The following SP110 variants were observed in gnomAD, a reference collection of about 807,000 sequenced individuals.
SP110 encodes the protein interferon-induced protein 41, 30kD.
SP110 carries 62 observed loss-of-function variants against 92.7 expected under a neutral mutation model. The ratio of observed to expected loss-of-function variants is 0.67; its 90% confidence interval spans 0.55 to 0.83. The LOEUF (loss-of-function observed/expected upper bound fraction) is 0.83, where lower values mean the gene tolerates loss of function less well. Ranked by LOEUF, SP110 falls within the 40% of genes least tolerant of loss-of-function variation. SP110 has a pLI of 0.00. For synonymous variants in SP110, 273 were observed against 305.3 expected, an observed-to-expected ratio of 0.89 and a Z score of 1.10; for missense variants, 793 against 863.9, an observed-to-expected ratio of 0.92 and a Z score of 1.03.
chr2:230,199,203 C>CTT (rs1480731036), intron 10 of SP110, among the ~76,000 whole-genome samples: 1 of 123,278 alleles, frequency 8.1e-6, no homozygotes, highest in Non-Finnish European at 1.7e-5. Context: ...CAACATAATC[C>CTT]TCTTTTTTTT....
intron 10 of SP110, chr2:230,200,654 T>C (rs911140735): frequency 1.1e-4 from 65 of 571,704 alleles, no homozygotes; most frequent in Non-Finnish European, 1.9e-4. Flanking sequence ...AAAAATCTTA[T>C]ATAGTGCAGA....
intron 3 of SP110, 108 bp from the exon 4 acceptor site, chr2:230,213,135 T>G: frequency 9.3e-7 from 1 of 1,076,782 alleles, no homozygotes; most frequent in South Asian, 1.3e-5. Context: ...ATGGAGCTAT[T>G]CATTGTCCCC....
At chr2:230,218,409 G>A (rs1191038065) in intron 1 of SP110, among the ~76,000 whole-genome samples, 1 of 152,180 alleles carries the variant, frequency 6.6e-6, no homozygotes, top group African/African-American at 2.4e-5. Context: ...TTGAGAGTCT[G>A]TGGTGGTAAA....
chr2:230,189,259 G>A (rs1418835018), intron 10 of SP110, among the ~76,000 whole-genome samples: 1 of 151,434 alleles, frequency 6.6e-6, no homozygotes, highest in Non-Finnish European at 1.5e-5. Context: ...AGTTCCTTGA[G>A]GCATGACATT....
At chr2:230,210,118 C>T (rs993690618) in intron 6 of SP110, 110 bp from the exon 7 acceptor site, 22 of 779,652 alleles carry the variant, frequency 2.8e-5, no homozygotes, top group Middle Eastern at 6.9e-4. Context: ...AGCCCAGGGC[C>T]GGGAATCTGC....
chr2:230,222,690 T>C (rs986013139), upstream of SP110, among the ~76,000 whole-genome samples: 1 of 149,786 alleles, frequency 6.7e-6, no homozygotes, highest in Non-Finnish European at 1.5e-5. Flanking sequence ...AGTGAGACCC[T>C]GTCTCAAAAA....
intron 12 of SP110, among the ~76,000 whole-genome samples, chr2:230,182,355 G>A (rs571961138): frequency 1.3e-5 from 2 of 152,164 alleles, no homozygotes; most frequent in South Asian, 4.1e-4. Flanking sequence ...TGCATGTTGG[G>A]CTTAATACCT....
intron 8 of SP110, among the ~76,000 whole-genome samples, chr2:230,207,714 T>C (rs528346317): frequency 6.6e-6 from 1 of 152,212 alleles, no homozygotes; most frequent in African/African-American, 2.4e-5. Flanking sequence ...GAATTGGCAC[T>C]CTTCTCTGCA....
At chr2:230,173,617 G>T (rs1464287189) in intron 14 of SP110, 3 of 152,944 alleles carry the variant, frequency 2.0e-5, no homozygotes, top group Admixed American at 6.5e-5. Context: ...CATTATGGAA[G>T]ATCTATTTAG....
intron 8 of SP110, among the ~76,000 whole-genome samples, chr2:230,207,735 C>G (rs780511018): frequency 1.3e-5 from 2 of 152,210 alleles, no homozygotes; most frequent in Non-Finnish European, 2.9e-5. Flanking sequence ...TCTCCACTGT[C>G]AGATCTGAAT....
chr2:230,187,741 A>C (rs2042421982), intron 10 of SP110, among the ~76,000 whole-genome samples: 2 of 152,170 alleles, frequency 1.3e-5, no homozygotes, highest in African/African-American at 4.8e-5. Flanking sequence ...CCATTTATTA[A>C]ATATGGTGTC....
chr2:230,179,651 T>C (rs11678451), intron 12 of SP110, among the ~76,000 whole-genome samples: 65,819 of 151,564 alleles, frequency 0.43, 14,824 homozygotes, highest in African/African-American at 0.52. Context: ...TGGACCACTA[T>C]TGCAAACCTT....
chr2:230,222,229 CAA>C (rs1204772131), upstream of SP110, among the ~76,000 whole-genome samples: 166 of 77,214 alleles, frequency 2.1e-3, no homozygotes, highest in African/African-American at 4.2e-3. Flanking sequence ...GATCCCGCCT[CAA>C]AAAAAAAAAA....
In SP110 at chr2:230,168,050, A is replaced by T. The variant is rs1242408843; in HGVS notation, c.*1074T>A. On this transcript the variant is annotated 3_prime_UTR_variant, in exon 19 of 19. Coordinates refer to ENST00000258381, the MANE Select transcript of SP110 (RefSeq NM_080424.4). ...CTTGCACCCAGGAGGAGGAGGTTGC[A>T]GTGAGTCAAGATGACGCTACTGTAC... is the stretch of plus-strand genomic sequence containing the variant. The T allele has an allele frequency of 2.9e-5, 4 of 136,058 alleles. No individual in the cohort carries two copies. Among genetic ancestry groups the T allele is most frequent in the Non-Finnish European group, 6.2e-5 (4 of 64,908 alleles). 8.4% of individuals were successfully genotyped at this position (136,058 alleles called of 1,614,324 possible). A position where few individuals can be genotyped will look rare whatever the true frequency, so the allele number is the denominator to read the frequency against.
intron 8 of SP110, chr2:230,202,933 A>G: frequency 1.7e-6 from 1 of 600,468 alleles, no homozygotes; most frequent in South Asian, 2.0e-5. Context: ...CCAAATTACC[A>G]TCTGCTTTCA....
intron 10 of SP110, among the ~76,000 whole-genome samples, chr2:230,196,473 A>C (rs1267255866): frequency 2.6e-5 from 4 of 152,106 alleles, no homozygotes; most frequent in Non-Finnish European, 4.4e-5. Context: ...ATGCATACTT[A>C]TACAAAAATA....
chr2:230,195,436 G>C (rs1448605783), intron 10 of SP110, among the ~76,000 whole-genome samples: 3 of 152,140 alleles, frequency 2.0e-5, no homozygotes, highest in African/African-American at 7.2e-5. Flanking sequence ...CTGGGTCCAA[G>C]TGATTATCGC....
chr2:230,190,561 T>C (rs1300048489), intron 10 of SP110, among the ~76,000 whole-genome samples: 1 of 152,244 alleles, frequency 6.6e-6, no homozygotes, highest in Non-Finnish European at 1.5e-5. Flanking sequence ...TTTAGTTTAA[T>C]TAATTCCCAT....
At chr2:230,191,071 A>G (rs112873577) in intron 10 of SP110, among the ~76,000 whole-genome samples, 26 of 152,282 alleles carry the variant, frequency 1.7e-4, no homozygotes, top group Admixed American at 4.6e-4. Context: ...AATTTAAAAT[A>G]GTTTTTTTTT....
Sources: allele counts gnomAD v4.1 joint callset (sites outside exome capture counted in the v4.1 genomes callset), GRCh38; gene constraint gnomAD v4.1.1; transcripts MANE v1.5; gene names NCBI Gene and HGNC (gene_info 2026-07-23, HGNC 2026-07-21).